The following MME variants were observed in gnomAD, a reference collection of about 807,000 sequenced individuals.
MME encodes membrane metalloendopeptidase.
Under a neutral mutation model 113.2 loss-of-function variants are expected in MME, and 98 were observed. The ratio of observed to expected loss-of-function variants is 0.87; its 90% CI spans 0.74 to 1.02. The LOEUF is 1.02. Among genes scored for constraint, MME ranks in the 50% least tolerant of loss-of-function variants. The pLI, the probability that MME is intolerant of heterozygous loss-of-function variation, is 0.00. For missense variants in MME, 836 were observed against 896.0 expected, an observed-to-expected ratio of 0.93 and a Z score of 0.86; for synonymous variants, 292 against 300.6, an observed-to-expected ratio of 0.97 and a Z score of 0.30.
At chr3:155,063,896 A>G (rs1714288339) in intron 1 of MME, among the ~76,000 whole-genome samples, 2 of 151,632 alleles carry the variant, frequency 1.3e-5, no homozygotes, top group African/African-American at 4.8e-5. Flanking sequence ...CTAACTCTCA[A>G]TGTGACTGTA....
chr3:155,124,239 G>A (rs1280208540), intron 8 of MME, among the ~76,000 whole-genome samples: 6 of 151,448 alleles, frequency 4.0e-5, no homozygotes, highest in Non-Finnish European at 7.4e-5. Context: ...CATTCTTCAC[G>A]TAGTTCTCAA....
At chr3:155,095,210 AG>A (rs1716636243) in intron 3 of MME, among the ~76,000 whole-genome samples, 1 of 152,258 alleles carries the variant, frequency 6.6e-6, no homozygotes, top group Non-Finnish European at 1.5e-5. Flanking sequence ...AAGCAATTTA[AG>A]TAAATGAATA....
rs1348109044 is a variant in MME at position 155,182,573 on chromosome 3, A to T, written c.*2114A>T. ...TAAAACTTACCTAAGTGACATTTGT[A>T]GTTGGAGTAATAGGAGCTTCCAGCT... On this transcript the variant is annotated 3_prime_UTR_variant, in exon 23 of 23. Coordinates refer to ENST00000360490, the MANE Select transcript of MME (RefSeq NM_007289.4). The T allele has an allele frequency of 1.3e-5, 2 of 152,238 alleles. No homozygotes were observed. Among genetic ancestry groups the T allele is most frequent in the African/African-American group, 4.8e-5 (2 of 41,474 alleles). 9.4% of individuals were successfully genotyped at this position (152,238 alleles called of 1,614,324 possible).
At chr3:155,033,221 G>T (rs1329284708) in intron 1 of MME, among the ~76,000 whole-genome samples, 2 of 152,084 alleles carry the variant, frequency 1.3e-5, no homozygotes, top group Non-Finnish European at 2.9e-5. Context: ...AGGCTCCAGG[G>T]CTTAACTTCC....
chr3:155,079,378 C>T (rs1714910954), upstream of MME, among the ~76,000 whole-genome samples: 1 of 151,860 alleles, frequency 6.6e-6, no homozygotes, highest in South Asian at 2.1e-4. Flanking sequence ...TAGAGAATCC[C>T]GAAGAGCCCG....
chr3:155,109,559 G>T lies in MME; in HGVS notation c.197-5435G>T, dbSNP rs61763234. On this transcript the variant is annotated intron_variant, in intron 3 of 22. Transcript: ENST00000360490. ...TGAAAAGGCAAAAGGAAATATTCCT[G>T]ATTCAAGTAAGTATGGGACTATACT... Among the ~76,000 whole-genome samples, 901 of 152,304 alleles carry T rather than the reference G, an allele frequency of 5.9e-3. 5 individuals are homozygous for T. The highest frequency in any genetic ancestry group is 8.2e-3 in the Non-Finnish European group (557 of 68,030).
intron 1 of MME, among the ~76,000 whole-genome samples, chr3:155,065,741 C>G (rs1714363842): frequency 6.6e-6 from 1 of 152,182 alleles, no homozygotes. Context: ...CTTAAATAGA[C>G]AGGCAGTCAG....
At chr3:155,039,324 A>G (rs1467464575) in intron 1 of MME, among the ~76,000 whole-genome samples, 3 of 152,190 alleles carry the variant, frequency 2.0e-5, no homozygotes, top group Non-Finnish European at 4.4e-5. Flanking sequence ...GAGAAGCAAG[A>G]AAGTTGTGGA....
intron 8 of MME, among the ~76,000 whole-genome samples, chr3:155,134,128 A>T (rs1720428251): frequency 6.6e-6 from 1 of 152,038 alleles, no homozygotes; most frequent in African/African-American, 2.4e-5. Flanking sequence ...AGAGTTTTTT[A>T]AAAATATAAT....
intron 1 of MME, among the ~76,000 whole-genome samples, chr3:155,049,471 G>A (rs1035720447): frequency 1.3e-5 from 2 of 152,142 alleles, no homozygotes; most frequent in Non-Finnish European, 1.5e-5. Context: ...TGGGAAATGA[G>A]TAGAGGCTGG....
At chr3:155,037,396 A>T (rs1268343722) in intron 1 of MME, among the ~76,000 whole-genome samples, 1 of 152,214 alleles carries the variant, frequency 6.6e-6, no homozygotes, top group Non-Finnish European at 1.5e-5. Context: ...AAAGAAATTG[A>T]GTAATTTGCC....
intron 3 of MME, among the ~76,000 whole-genome samples, chr3:155,086,779 C>A (rs1715764972): frequency 6.6e-6 from 1 of 151,892 alleles, no homozygotes; most frequent in Admixed American, 6.6e-5. Context: ...ATAATTTTAA[C>A]CATTTTCTGC....
At chr3:155,066,345 T>C (rs942508944) in intron 1 of MME, among the ~76,000 whole-genome samples, 1 of 152,156 alleles carries the variant, frequency 6.6e-6, no homozygotes. Context: ...TTTCCTGTTT[T>C]CTATAAATAA....
chr3:155,134,198 C>T (rs1720432003), intron 8 of MME, among the ~76,000 whole-genome samples: 1 of 152,000 alleles, frequency 6.6e-6, no homozygotes, highest in African/African-American at 2.4e-5. Flanking sequence ...GGATATATTG[C>T]ATGGTACTGA....
intron 1 of MME, among the ~76,000 whole-genome samples, chr3:155,058,619 A>G (rs1016664704): frequency 3.3e-5 from 5 of 152,240 alleles, no homozygotes; most frequent in Non-Finnish European, 5.9e-5. Context: ...ATATTAAAAA[A>G]GGCAACATTG....
intron 20 of MME, among the ~76,000 whole-genome samples, chr3:155,170,085 G>A (rs982968018): frequency 6.6e-5 from 10 of 151,968 alleles, no homozygotes; most frequent in Admixed American, 2.0e-4. Flanking sequence ...TCATTCTGTC[G>A]CCCAGGCTGG....
intron 3 of MME, among the ~76,000 whole-genome samples, chr3:155,086,360 T>C (rs755118443): frequency 1.6e-4 from 24 of 152,070 alleles, no homozygotes; most frequent in South Asian, 4.2e-4. Context: ...AAGATGAAAA[T>C]AGACAGGAGG....
chr3:155,122,123 A>C (rs1356341779), intron 8 of MME, among the ~76,000 whole-genome samples: 31 of 136,180 alleles, frequency 2.3e-4, no homozygotes, highest in Admixed American at 2.2e-4. Flanking sequence ...CAGAGATTCA[A>C]CTTCTTCCTG....
intron 20 of MME, among the ~76,000 whole-genome samples, chr3:155,170,843 C>T (rs1026757733): frequency 5.9e-5 from 9 of 152,096 alleles, no homozygotes; most frequent in African/African-American, 2.2e-4. Context: ...ACTCTCAGGA[C>T]AATAAGCTCA....
Sources: allele counts gnomAD v4.1 joint callset (sites outside exome capture counted in the v4.1 genomes callset), GRCh38; gene constraint gnomAD v4.1.1; transcripts MANE v1.5; gene names NCBI Gene and HGNC (gene_info 2026-07-23, HGNC 2026-07-21).